The following COL27A1 variants were observed in gnomAD, a reference collection of about 807,000 sequenced individuals.
The protein encoded by COL27A1 is collagen type XXVII alpha 1 chain, also known as collagen alpha-1(XXVII) chain.
COL27A1 carries 106 observed loss-of-function variants against 251.3 expected under a neutral mutation model. That is an observed-to-expected ratio of 0.42 (90% CI 0.36 to 0.50). The LOEUF is 0.50. Among genes scored for constraint, COL27A1 ranks in the 20% least tolerant of loss-of-function variants. COL27A1 has a pLI of 0.00. For synonymous variants in COL27A1, 1,000 were observed against 986.3 expected (o/e 1.01, Z -0.26); for missense variants, 2,325 against 2,522.8 (o/e 0.92, Z 1.68).
chr9:114,242,192 T>C lies in COL27A1; in HGVS notation c.2841T>C (p.Asp947=), dbSNP rs756559559. ...GPRGQLGPEG[D]EGPMGPPGAP... ...CTCGTGTCTCCCAATTCTAGGGAGA[T>C]GAGGGACCCATGGGGCCGCCAGGGG... Residue 947 remains aspartate, a synonymous_variant, in exon 22 of 61, where the codon GAT becomes GAC. Coordinates refer to ENST00000356083, the MANE Select transcript of COL27A1 (RefSeq NM_032888.4). 28 of 1,606,210 alleles carry C rather than the reference T, an allele frequency of 1.7e-5. No individual in the cohort carries two copies. In the Middle Eastern group the frequency reaches 6.7e-4, roughly 38 times the overall value.
chr9:114,282,422 G>C, intron 38 of COL27A1, 35 bp from the exon 39 acceptor site: 1 of 1,608,930 alleles, frequency 6.2e-7, no homozygotes, highest in Non-Finnish European at 8.5e-7. Flanking sequence ...CGTCCTGTTG[G>C]GCCTGGTGAC....
intron 5 of COL27A1, among the ~76,000 whole-genome samples, chr9:114,190,802 T>C (rs1828700987): frequency 6.6e-6 from 1 of 152,236 alleles, no homozygotes; most frequent in Non-Finnish European, 1.5e-5. Context: ...AGAGGGAAAG[T>C]GGCTTGCTCA....
At chr9:114,301,363 C>T (rs368099728) in intron 53 of COL27A1, 44 bp downstream of exon 53, 123 of 331,538 alleles carry the variant, frequency 3.7e-4, no homozygotes, top group African/African-American at 3.1e-3. Context: ...ACTGCAGGGG[C>T]GGGGGAGGGG....
At chr9:114,295,939 ACC>A (rs1186381729) in intron 49 of COL27A1, among the ~76,000 whole-genome samples, 1 of 152,172 alleles carries the variant, frequency 6.6e-6, no homozygotes, top group Non-Finnish European at 1.5e-5. Context: ...CAGCCACCAC[ACC>A]CGGCCTGGAC....
Position 114,310,914 on chromosome 9 carries a change from C to T in COL27A1, c.*219C>T, listed in dbSNP as rs1363076912. ...ATCCCAGCTTAGCCCCAAAGACCAA[C>T]CAAAGAGCCAGCCAGAGTAAGCTGG... is the stretch of plus-strand genomic sequence containing the variant. On this transcript the variant is annotated 3_prime_UTR_variant, in exon 61 of 61. Transcript: ENST00000356083. The T allele has an allele frequency of 6.3e-6, 3 of 475,216 alleles. No homozygotes were observed. Among genetic ancestry groups the T allele is most frequent in the Non-Finnish European group, 1.1e-5 (3 of 268,370 alleles). 29.4% of individuals were successfully genotyped at this position (475,216 alleles called of 1,614,324 possible).
chr9:114,216,800 C>T (rs981373225), intron 12 of COL27A1, among the ~76,000 whole-genome samples: 16 of 152,022 alleles, frequency 1.1e-4, no homozygotes, highest in Non-Finnish European at 2.1e-4. Flanking sequence ...GGTTGACTCC[C>T]GGAGGCCCTC....
At chr9:114,250,587 C>G in intron 24 of COL27A1, 28 bp from the exon 25 acceptor site, 1 of 1,608,172 alleles carries the variant, frequency 6.2e-7, no homozygotes, top group Non-Finnish European at 8.5e-7. Context: ...CACGTTGTTT[C>G]TCTTGCTTTC....
Position 114,168,424 on chromosome 9 carries a change from G to C in COL27A1, c.869G>C (p.Gly290Ala). The C allele has an allele frequency of 1.2e-6, 2 of 1,613,140 alleles. No individual in the cohort carries two copies. Among genetic ancestry groups the C allele is most frequent in the Non-Finnish European group, 1.7e-6 (2 of 1,179,780 alleles). The change falls in exon 3 of 61, where the codon GGG becomes GCG. Residue 290 changes from glycine (G) to alanine (A), a missense_variant. Coordinates refer to ENST00000356083, the MANE Select transcript of COL27A1 (RefSeq NM_032888.4). ...CTGCCAGCAGGCAGGGGACCCAGGG[G>C]GACTGTGGCACCCGCCACGCCCACC... is the stretch of plus-strand genomic sequence containing the variant. ...GSLPAGRGPRGTVAPATPTKP... is the reference protein window; with the variant it reads ...GSLPAGRGPRATVAPATPTKP...
In COL27A1 at chr9:114,300,057, G is replaced by C; in HGVS notation, c.4585-13G>C. The C allele has an allele frequency of 6.2e-7, 1 of 1,614,154 alleles. No homozygotes were observed. Among genetic ancestry groups the C allele is most frequent in the Non-Finnish European group, 8.5e-7 (1 of 1,180,000 alleles). On this transcript the variant is annotated splice_polypyrimidine_tract_variant and intron_variant, in intron 49 of 60. Transcript: ENST00000356083. ...GAGCTCACTCGCTCCATCACTTCCT[G>C]TTCTTCCTGCAGGGCGACTCTGGCG... is the stretch of plus-strand genomic sequence containing the variant.
At chr9:114,305,633 C>T (rs1288412013) in intron 57 of COL27A1, among the ~76,000 whole-genome samples, 3 of 152,166 alleles carry the variant, frequency 2.0e-5, no homozygotes, top group African/African-American at 7.2e-5. Flanking sequence ...CTCTCCCACA[C>T]GTGGCTCCCA....
rs758587883 is a variant in COL27A1, at chr9:114,168,088, G to A, written c.533G>A (p.Arg178Gln). 6.4e-5 allele frequency: 103 copies of A among 1,611,018 alleles called. No individual in the cohort carries two copies. The highest frequency in any genetic ancestry group is 1.6e-4 in the Middle Eastern group (1 of 6,084). Residue 178 changes from arginine (R) to glutamine (Q), a missense_variant, in exon 3 of 61, where the codon CGG (arginine) becomes CAG (glutamine). Physicochemically the swap from Arg to Gln is conservative, Grantham distance 43 (BLOSUM62 1). Coordinates refer to ENST00000356083, the MANE Select transcript of COL27A1 (RefSeq NM_032888.4). ...CTGGTGACTGCCTGCGGGCAGCGCC[G>A]GGTGCCTGTCCTGCTGCCTTTCCAC... ...VTLVTACGQR[R>Q]VPVLLPFHRD...
chr9:114,301,677 C>G lies in COL27A1; in HGVS notation c.4810-5C>G. The G allele has an allele frequency of 6.2e-7, 1 of 1,608,976 alleles. No individual in the cohort carries two copies. On this transcript the variant is annotated splice_polypyrimidine_tract_variant and splice_region_variant and intron_variant, in intron 54 of 60. Coordinates refer to ENST00000356083, the MANE Select transcript of COL27A1 (RefSeq NM_032888.4). ...GGGCTCACTCTTCTTCTCTTGTTCC[C>G]CCAGGGTCCTCCCGGCCCCAGAGGG...
intron 2 of COL27A1, among the ~76,000 whole-genome samples, chr9:114,166,363 C>T (rs1848860707): frequency 7.3e-6 from 1 of 136,282 alleles, no homozygotes; most frequent in African/African-American, 2.8e-5. Context: ...ATGTATCCAT[C>T]CATCAATCCA....
chr9:114,233,684 G>C (rs2135442560), intron 16 of COL27A1, among the ~76,000 whole-genome samples: 1 of 152,310 alleles, frequency 6.6e-6, no homozygotes, highest in Non-Finnish European at 1.5e-5. Context: ...GTTGCTTCAG[G>C]AACATGGAAA....
intron 56 of COL27A1, among the ~76,000 whole-genome samples, chr9:114,302,788 C>G (rs560481115): frequency 6.6e-6 from 1 of 151,562 alleles, no homozygotes; most frequent in South Asian, 2.1e-4. Context: ...CTGCATTCTT[C>G]CCTATTGGCC....
chr9:114,248,778 G>GC (rs1298754486), intron 24 of COL27A1, among the ~76,000 whole-genome samples: 1 of 152,180 alleles, frequency 6.6e-6, no homozygotes, highest in Non-Finnish European at 1.5e-5. Flanking sequence ...TGACCCGCTT[G>GC]CCTTCCAGGA....
At chr9:114,212,222 G>A (rs953470661) in intron 12 of COL27A1, among the ~76,000 whole-genome samples, 1 of 152,236 alleles carries the variant, frequency 6.6e-6, no homozygotes, top group Admixed American at 6.5e-5. Context: ...GCAAGGAGCA[G>A]CACCTGATGC....
chr9:114,199,881 C>T lies in COL27A1; in HGVS notation c.2124+3869C>T, dbSNP rs1323396420. Among the ~76,000 whole-genome samples the T allele has an allele frequency of 2.0e-5, 3 of 152,222 alleles. No homozygotes were observed. The South Asian group carries it at 6.2e-4, about 31-fold the overall frequency. ...TTCTGGCCAAGTCCTGACACAGCCC[C>T]TGAATCTTTCTTACCATACTGCCCC... On this transcript the variant is annotated intron_variant, in intron 7 of 60. Transcript: ENST00000356083.
intron 56 of COL27A1, 28 bp downstream of exon 56, chr9:114,302,136 A>G: frequency 6.3e-7 from 1 of 1,599,168 alleles, no homozygotes; most frequent in Non-Finnish European, 8.6e-7. Context: ...TCTTTTGCCT[A>G]CTTGGGGTAA....
Sources: allele counts gnomAD v4.1 joint callset (sites outside exome capture counted in the v4.1 genomes callset), GRCh38; gene constraint gnomAD v4.1.1; transcripts MANE v1.5; gene names NCBI Gene and HGNC (gene_info 2026-07-23, HGNC 2026-07-21).